The following CLSTN2 variants were observed in gnomAD, a reference collection of about 807,000 sequenced individuals.
The protein encoded by CLSTN2 is calsyntenin-2.
Under a neutral mutation model 101.2 loss-of-function variants are expected in CLSTN2, and 48 were observed. That is an observed-to-expected ratio of 0.47 (90% CI 0.38 to 0.60). The LOEUF (loss-of-function observed/expected upper bound fraction) is 0.60. CLSTN2 is among the 20% of genes least tolerant of loss of function. The pLI is 0.00. For synonymous variants in CLSTN2, 481 were observed against 463.6 expected, an observed-to-expected ratio of 1.04 and a Z score of -0.48; for missense variants, 1,160 against 1,238.2, an observed-to-expected ratio of 0.94 and a Z score of 0.95.
At chr3:140,042,613 T>C (rs891807415) in intron 1 of CLSTN2, among the ~76,000 whole-genome samples, 1 of 152,188 alleles carries the variant, frequency 6.6e-6, no homozygotes, top group African/African-American at 2.4e-5. Flanking sequence ...CATGTTGGTG[T>C]GCTGCACCCA....
intron 6 of CLSTN2, among the ~76,000 whole-genome samples, chr3:140,451,381 A>G (rs2108010796): frequency 6.6e-6 from 1 of 152,340 alleles, no homozygotes; most frequent in South Asian, 2.1e-4. Context: ...GGGCAGGTTA[A>G]TTCAGCCAGC....
intron 2 of CLSTN2, among the ~76,000 whole-genome samples, chr3:140,231,083 C>T (rs887577041): frequency 6.6e-6 from 1 of 152,198 alleles, no homozygotes; most frequent in Non-Finnish European, 1.5e-5. Flanking sequence ...TCTTCCCCCA[C>T]TTCTAACCTT....
At chr3:140,003,235 G>A (rs1322097848) in intron 1 of CLSTN2, among the ~76,000 whole-genome samples, 1 of 151,772 alleles carries the variant, frequency 6.6e-6, no homozygotes, top group Non-Finnish European at 1.5e-5. Flanking sequence ...TTCAATTTCT[G>A]TGTTTTACAG....
At chr3:140,494,966 C>T (rs757121376) in intron 8 of CLSTN2, among the ~76,000 whole-genome samples, 53 of 152,038 alleles carry the variant, frequency 3.5e-4, no homozygotes, top group South Asian at 8.3e-4. Context: ...TATATTCCTT[C>T]GGATATATAC....
chr3:140,226,683 A>C (rs1470251875), intron 2 of CLSTN2, among the ~76,000 whole-genome samples: 2 of 152,188 alleles, frequency 1.3e-5, no homozygotes, highest in African/African-American at 4.8e-5. Context: ...GTATTAGTCC[A>C]TTTTCATGCT....
At chr3:140,362,102 C>T (rs1576532683) in intron 2 of CLSTN2, among the ~76,000 whole-genome samples, 1 of 152,118 alleles carries the variant, frequency 6.6e-6, no homozygotes, top group Non-Finnish European at 1.5e-5. Flanking sequence ...CAGTGAGGTA[C>T]TGGTATAAAA....
At chr3:140,422,410 G>T (rs2088516497) in intron 5 of CLSTN2, among the ~76,000 whole-genome samples, 1 of 152,090 alleles carries the variant, frequency 6.6e-6, no homozygotes, top group African/African-American at 2.4e-5. Flanking sequence ...ACAAAGTAAG[G>T]ACACCTGTTT....
intron 1 of CLSTN2, among the ~76,000 whole-genome samples, chr3:140,042,161 A>T (rs1013279525): frequency 2.0e-5 from 3 of 152,174 alleles, no homozygotes; most frequent in African/African-American, 7.2e-5. Flanking sequence ...GTTAATACAC[A>T]TTTAGGTTCA....
At chr3:140,469,769 T>G (rs1402220047) in intron 8 of CLSTN2, among the ~76,000 whole-genome samples, 1 of 151,936 alleles carries the variant, frequency 6.6e-6, no homozygotes, top group African/African-American at 2.4e-5. Context: ...TGCATAACAG[T>G]GAATGGATGT....
Position 140,163,419 on chromosome 3 carries a change from T to TACACACACACACACACACAC in CLSTN2, c.110-12520_110-12501dup, listed in dbSNP as rs60464575. Among the ~76,000 whole-genome samples the TACACACACACACACACACAC allele has an allele frequency of 2.2e-3, 316 of 145,118 alleles. 2 individuals carry two copies. The highest frequency in any genetic ancestry group is 7.7e-3 in the African/African-American group (306 of 39,688). ...TCAATTCTTTAAAATTTTCTATCTC[T>TACACACACACACACACACAC]ACACACACACACACACACACACACA... On this transcript the variant is annotated intron_variant, in intron 1 of 16. Transcript: ENST00000458420.
intron 2 of CLSTN2, among the ~76,000 whole-genome samples, chr3:140,403,378 A>G (rs1222779346): frequency 2.0e-5 from 3 of 152,204 alleles, no homozygotes; most frequent in Non-Finnish European, 4.4e-5. Context: ...CTCATACATT[A>G]GTGAGCACAC....
At chr3:140,303,095 AC>A (rs1414581552) in intron 2 of CLSTN2, among the ~76,000 whole-genome samples, 6 of 152,150 alleles carry the variant, frequency 3.9e-5, no homozygotes, top group African/African-American at 9.7e-5. Context: ...TGACAGGAAA[AC>A]CTAAGGCATT....
intron 1 of CLSTN2, among the ~76,000 whole-genome samples, chr3:139,953,562 G>A (rs1460522765): frequency 1.3e-5 from 2 of 152,136 alleles, no homozygotes; most frequent in African/African-American, 4.8e-5. Context: ...GCCAAGTGTG[G>A]CAGGTCAGTA....
At chr3:140,005,186 G>A (rs2006928503) in intron 1 of CLSTN2, among the ~76,000 whole-genome samples, 1 of 152,176 alleles carries the variant, frequency 6.6e-6, no homozygotes, top group Non-Finnish European at 1.5e-5. Context: ...CAGCTCTGAG[G>A]AGGACAGTGT....
intron 2 of CLSTN2, among the ~76,000 whole-genome samples, chr3:140,203,795 G>A (rs955307954): frequency 1.3e-5 from 2 of 152,194 alleles, no homozygotes; most frequent in African/African-American, 4.8e-5. Context: ...TAGGAACAAT[G>A]ACAGAGGAAG....
At position 140,574,717 on chromosome 3, in the gene CLSTN2, C is replaced by G. The variant is rs1342873128; in HGVS notation, c.*8464C>G. Reference sequence around the variant, plus strand: ...ACCCTTTTTACTGCACATTTCAGAACAGAAATGGGACACCCACACACGTAT... The same window carrying G: ...ACCCTTTTTACTGCACATTTCAGAAGAGAAATGGGACACCCACACACGTAT... On this transcript the variant is annotated 3_prime_UTR_variant, in exon 17 of 17. Transcript: ENST00000458420. 6.6e-6 allele frequency: 1 copy of G among 152,164 alleles called. No homozygotes were observed. Among genetic ancestry groups the G allele is most frequent in the Non-Finnish European group, 1.5e-5 (1 of 68,034 alleles). 9.4% of individuals were successfully genotyped at this position (152,164 alleles called of 1,614,324 possible).
At chr3:140,083,941 A>G (rs1291002531) in intron 1 of CLSTN2, among the ~76,000 whole-genome samples, 3 of 152,230 alleles carry the variant, frequency 2.0e-5, no homozygotes, top group African/African-American at 4.8e-5. Flanking sequence ...TTCAGTAAGC[A>G]TCAAAAGTGG....
At chr3:140,252,666 C>T (rs2086574288) in intron 2 of CLSTN2, among the ~76,000 whole-genome samples, 1 of 152,152 alleles carries the variant, frequency 6.6e-6, no homozygotes. Flanking sequence ...CATTTGGACA[C>T]ATGTGAAAGT....
chr3:140,477,572 C>T (rs1934015586), intron 8 of CLSTN2, among the ~76,000 whole-genome samples: 1 of 152,192 alleles, frequency 6.6e-6, no homozygotes, highest in Non-Finnish European at 1.5e-5. Context: ...GTCTAAACTA[C>T]ACAGTTACTT....
Sources: allele counts gnomAD v4.1 joint callset (sites outside exome capture counted in the v4.1 genomes callset), GRCh38; gene constraint gnomAD v4.1.1; transcripts MANE v1.5; gene names NCBI Gene and HGNC (gene_info 2026-07-23, HGNC 2026-07-21).